FRAS1: variants seen among roughly 807,000 people sequenced by gnomAD.
FRAS1 encodes Fraser extracellular matrix complex subunit 1.
A neutral mutation model predicts 435.2 loss-of-function variants in FRAS1; 290 were observed. That is an observed-to-expected ratio of 0.67 (90% CI 0.61 to 0.73). The LOEUF (loss-of-function observed/expected upper bound fraction) is 0.73, where lower values mean the gene tolerates loss of function less well. Among genes scored for constraint, FRAS1 ranks in the 30% least tolerant of loss-of-function variants. The pLI, the probability that FRAS1 is intolerant of heterozygous loss-of-function variation, is 0.00. For missense variants in FRAS1, 4,860 were observed against 5,001.5 expected (o/e 0.97, Z 0.85); for synonymous variants, 1,800 against 1,851.0 (o/e 0.97, Z 0.71).
chr4:78,216,121 G>C (rs1012692433), intron 2 of FRAS1, among the ~76,000 whole-genome samples: 1 of 152,180 alleles, frequency 6.6e-6, no homozygotes, highest in African/African-American at 2.4e-5. Context: ...TTGGGACATC[G>C]AATGTGCTTA....
chr4:78,437,539 AGAC>A (rs1170167585), intron 38 of FRAS1, among the ~76,000 whole-genome samples: 7 of 152,344 alleles, frequency 4.6e-5, no homozygotes, highest in African/African-American at 1.7e-4. Context: ...TCTTGAATTG[AGAC>A]TCTGAACTAC....
Position 78,481,846 on chromosome 4 carries a change from C to T in FRAS1, c.8486C>T (p.Ser2829Phe), listed in dbSNP as rs376788346. 8.7e-6 allele frequency: 14 copies of T among 1,613,956 alleles called. No homozygotes were observed. Among genetic ancestry groups the T allele is most frequent in the Non-Finnish European group, 1.1e-5 (13 of 1,179,848 alleles). Residue 2829 changes from serine to phenylalanine, a missense_variant, in exon 57 of 74, where the codon TCT (serine) becomes TTT (phenylalanine). Physicochemically the swap from Ser to Phe is radical, Grantham distance 155 (BLOSUM62 -2). Coordinates refer to ENST00000512123, the MANE Select transcript of FRAS1 (RefSeq NM_025074.7). Reference sequence around the variant, plus strand: ...GTTATCCGCCATGGTACTGACCTCTCTACTTTCGCATCTGTCTGGTGTGCA... The same window carrying T: ...GTTATCCGCCATGGTACTGACCTCTTTACTTTCGCATCTGTCTGGTGTGCA... ...IPVIRHGTDL[S>F]TFASVWCATR...
intron 14 of FRAS1, among the ~76,000 whole-genome samples, chr4:78,290,238 T>G (rs1727822010): frequency 6.6e-6 from 1 of 152,198 alleles, no homozygotes; most frequent in African/African-American, 2.4e-5. Context: ...AGAGTACGAT[T>G]TAGCCCATTT....
intron 5 of FRAS1, among the ~76,000 whole-genome samples, chr4:78,253,298 T>G (rs1725634445): frequency 6.6e-6 from 1 of 152,208 alleles, no homozygotes; most frequent in Admixed American, 6.5e-5. Context: ...TCTTCCCTTA[T>G]TCCCTGAAAA....
chr4:78,077,691 A>G (rs1376672768), intron 2 of FRAS1, among the ~76,000 whole-genome samples: 1 of 152,170 alleles, frequency 6.6e-6, no homozygotes, highest in African/African-American at 2.4e-5. Flanking sequence ...AGGACGTGTG[A>G]TATTTGTCTG....
In FRAS1 at chr4:78,469,978, A is replaced by G; in HGVS notation, c.7258A>G (p.Ile2420Val). 1 of 1,612,002 alleles carries G rather than the reference A, an allele frequency of 6.2e-7. No individual in the cohort carries two copies. The highest frequency in any genetic ancestry group is 8.5e-7 in the Non-Finnish European group (1 of 1,178,472). ...FFIIEEGGKEIMTAAPQPFRV... is the reference protein window; with the variant it reads ...FFIIEEGGKEVMTAAPQPFRV... ...TTTTCTTTTCTGCCCTCCCCTTCAG[A>G]TTATGACAGCAGCACCTCAGCCGTT... is the stretch of plus-strand genomic sequence containing the variant. Residue 2420 changes from isoleucine to valine, a missense_variant and splice_region_variant, in exon 51 of 74, where the codon ATT (isoleucine) becomes GTT (valine). Transcript: ENST00000512123.
At chr4:78,310,896 A>T (rs2110224713) in intron 15 of FRAS1, among the ~76,000 whole-genome samples, 1 of 152,360 alleles carries the variant, frequency 6.6e-6, no homozygotes, top group African/African-American at 2.4e-5. Flanking sequence ...TAGAAATCTC[A>T]AAGTCAAGTA....
chr4:78,316,927 C>T (rs1383254982), intron 16 of FRAS1, among the ~76,000 whole-genome samples: 2 of 152,164 alleles, frequency 1.3e-5, no homozygotes, highest in Admixed American at 6.5e-5. Flanking sequence ...GGCCTTTCCA[C>T]TCTAATTCAT....
chr4:78,534,619 A>C lies in FRAS1; in HGVS notation c.11092+4A>C, dbSNP rs1177277025. On this transcript the variant is annotated splice_donor_region_variant and intron_variant, in intron 71 of 73. Transcript: ENST00000512123. ...TACAAAGGAGCCTTTTCAAAAGGTGAGTTGCTTCCTCCACCTGCAGAAAGA... is the reference window on the plus strand; with the variant it reads ...TACAAAGGAGCCTTTTCAAAAGGTGCGTTGCTTCCTCCACCTGCAGAAAGA... 5 of 1,611,690 alleles carry C rather than the reference A, an allele frequency of 3.1e-6. No individual in the cohort carries two copies. Among genetic ancestry groups the C allele is most frequent in the Non-Finnish European group, 3.4e-6 (4 of 1,178,570 alleles).
chr4:78,073,017 GA>G (rs1740437898), intron 2 of FRAS1, among the ~76,000 whole-genome samples: 1 of 152,032 alleles, frequency 6.6e-6, no homozygotes, highest in African/African-American at 2.4e-5. Flanking sequence ...TACAGAAGGT[GA>G]AAAAAATCTC....
At chr4:78,496,023 A>G (rs1364591606) in intron 59 of FRAS1, among the ~76,000 whole-genome samples, 1 of 152,214 alleles carries the variant, frequency 6.6e-6, no homozygotes, top group Admixed American at 6.5e-5. Context: ...CTCTCTACTC[A>G]TATATCCTTT....
intron 44 of FRAS1, 58 bp downstream of exon 44, chr4:78,448,374 C>G: frequency 6.8e-7 from 1 of 1,465,652 alleles, no homozygotes; most frequent in Non-Finnish European, 9.2e-7. Context: ...TCTTCTTTGT[C>G]CAGTATGCAG....
intron 2 of FRAS1, among the ~76,000 whole-genome samples, chr4:78,118,637 C>A (rs933308139): frequency 1.3e-5 from 2 of 152,200 alleles, no homozygotes; most frequent in Non-Finnish European, 2.9e-5. Context: ...GATACAATCT[C>A]CTGGTGTGCC....
chr4:78,258,874 A>G (rs1367210379), intron 6 of FRAS1, among the ~76,000 whole-genome samples: 2 of 88,416 alleles, frequency 2.3e-5, no homozygotes, highest in African/African-American at 4.5e-5. Flanking sequence ...ACCCCACAAC[A>G]GTCCCCAGAG....
Position 78,270,350 on chromosome 4 carries a change from G to A in FRAS1, c.981+2918G>A, listed in dbSNP as rs548969384. Among the ~76,000 whole-genome samples, 29 of 152,096 alleles carry A rather than the reference G, an allele frequency of 1.9e-4. 1 individual carries two copies. Among genetic ancestry groups the A allele is most frequent in the Non-Finnish European group, 2.9e-4 (20 of 68,014 alleles). ...TACCTAATCATACCTACATCCACCA[G>A]TCCAAAGACTGAGATTGGACTAACT... On this transcript the variant is annotated intron_variant, in intron 9 of 73. Transcript: ENST00000512123.
chr4:78,133,873 A>G (rs77994558), intron 2 of FRAS1, among the ~76,000 whole-genome samples: 6,117 of 152,156 alleles, frequency 0.04, 179 homozygotes, highest in Non-Finnish European at 0.063. Context: ...TCATCACCTA[A>G]TCCAAACATT....
intron 2 of FRAS1, among the ~76,000 whole-genome samples, chr4:78,210,882 A>G (rs896412451): frequency 1.3e-5 from 2 of 152,160 alleles, no homozygotes; most frequent in Non-Finnish European, 2.9e-5. Flanking sequence ...GCAGTAAGCT[A>G]CTTTCTTCCT....
intron 2 of FRAS1, among the ~76,000 whole-genome samples, chr4:78,220,358 C>T (rs1360640313): frequency 2.6e-5 from 4 of 152,194 alleles, no homozygotes; most frequent in African/African-American, 9.6e-5. Context: ...TGTCAGTTCC[C>T]CCAAGTAAAG....
intron 2 of FRAS1, chr4:78,072,233 T>C (rs1216373424): frequency 6.6e-6 from 1 of 152,142 alleles, no homozygotes. Context: ...AGACCTTGTA[T>C]ATTAGGGCTA....
Sources: allele counts gnomAD v4.1 joint callset (sites outside exome capture counted in the v4.1 genomes callset), GRCh38; gene constraint gnomAD v4.1.1; transcripts MANE v1.5; gene names NCBI Gene and HGNC (gene_info 2026-07-23, HGNC 2026-07-21).